STARD13: variants seen among roughly 807,000 people sequenced by gnomAD.
STARD13 encodes the protein stAR-related lipid transfer protein 13.
In STARD13, 62 loss-of-function variants were observed where a neutral mutation model predicts 106.4. The observed-to-expected ratio is 0.58, with a 90% CI of 0.48 to 0.72. The LOEUF is 0.72. STARD13 is among the 30% of genes least tolerant of loss of function. STARD13 has a pLI of 0.00. For missense variants in STARD13, 1,387 were observed against 1,424.0 expected (o/e 0.97, Z 0.42); for synonymous variants, 565 against 553.0 (o/e 1.02, Z -0.31).
chr13:33,350,233 C>T, intron 1 of STARD13: 1 of 1,483,632 alleles, frequency 6.7e-7, no homozygotes. Flanking sequence ...CCCGGGCGGG[C>T]TACGGGGCCG....
At chr13:33,356,240 G>C in the STARD13 span, among the ~76,000 whole-genome samples, 1 of 152,186 alleles carries the variant, frequency 6.6e-6, no homozygotes, top group African/African-American at 2.4e-5. Flanking sequence ...CAGACTGTCT[G>C]TTTTATAAAG....
chr13:33,310,098 C>A (rs1485689575), intron 1 of STARD13, among the ~76,000 whole-genome samples: 1 of 152,142 alleles, frequency 6.6e-6, no homozygotes, highest in East Asian at 1.9e-4. Context: ...GAATACAGGG[C>A]CACACTGAGT....
At chr13:33,357,915 G>A in the STARD13 span, among the ~76,000 whole-genome samples, 1 of 152,228 alleles carries the variant, frequency 6.6e-6, no homozygotes, top group Non-Finnish European at 1.5e-5. Context: ...ACTGCACTGT[G>A]GGAGCCCCTT....
chr13:33,586,327 G>T, the STARD13 span, among the ~76,000 whole-genome samples: 3 of 151,934 alleles, frequency 2.0e-5, no homozygotes. Flanking sequence ...CAGGGTTATC[G>T]CCCTTTCCTG....
rs530341405 is a variant in STARD13, at chr13:33,259,456, C to T, written c.169+26014G>A. ...CCTCCACTCTTAAACTTCACACTGG[C>T]TTTGGTGTCAGTTCCCATGATCTGA... On this transcript the variant is annotated intron_variant, in intron 1 of 13. Coordinates refer to ENST00000336934, the MANE Select transcript of STARD13 (RefSeq NM_178006.4). Among the ~76,000 whole-genome samples the T allele has an allele frequency of 1.9e-3, 293 of 152,296 alleles. 1 individual carries two copies. Among genetic ancestry groups the T allele is most frequent in the African/African-American group, 6.8e-3 (282 of 41,556 alleles).
the STARD13 span, among the ~76,000 whole-genome samples, chr13:33,624,413 A>C: frequency 2.0e-5 from 3 of 152,246 alleles, no homozygotes; most frequent in Non-Finnish European, 4.4e-5. Context: ...TGTGCTTTTC[A>C]GTGCTTGAAT....
At chr13:33,548,294 G>C in the STARD13 span, among the ~76,000 whole-genome samples, 2 of 152,224 alleles carry the variant, frequency 1.3e-5, no homozygotes, top group South Asian at 4.1e-4. Flanking sequence ...AACTGACCAA[G>C]TTCCTCTTCA....
At chr13:33,236,055 G>A (rs920323782) in intron 1 of STARD13, among the ~76,000 whole-genome samples, 5 of 152,130 alleles carry the variant, frequency 3.3e-5, no homozygotes, top group Admixed American at 3.3e-4. Flanking sequence ...GCTCATTCTA[G>A]CCTCTTAAAA....
chr13:33,440,140 A>AT, the STARD13 span, among the ~76,000 whole-genome samples: 1 of 152,022 alleles, frequency 6.6e-6, no homozygotes, highest in East Asian at 1.9e-4. Flanking sequence ...TTAGCCGAGC[A>AT]TGGTGGCATG....
At chr13:33,325,583 A>G (rs1189078810) in intron 1 of STARD13, among the ~76,000 whole-genome samples, 2 of 152,138 alleles carry the variant, frequency 1.3e-5, no homozygotes, top group Admixed American at 1.3e-4. Context: ...GTTACACTCC[A>G]AAGGCGAAGA....
the STARD13 span, among the ~76,000 whole-genome samples, chr13:33,614,719 C>A: frequency 6.6e-6 from 1 of 152,226 alleles, no homozygotes; most frequent in Non-Finnish European, 1.5e-5. Context: ...GAAGCAGAGG[C>A]TCCCAAGTAG....
chr13:33,640,847 A>G, the STARD13 span, among the ~76,000 whole-genome samples: 15 of 152,366 alleles, frequency 9.8e-5, no homozygotes, highest in East Asian at 2.1e-3. Flanking sequence ...TCCTTTTCTA[A>G]TATAAGGGAA....
At chr13:33,512,214 C>T in the STARD13 span, among the ~76,000 whole-genome samples, 1 of 152,160 alleles carries the variant, frequency 6.6e-6, no homozygotes, top group Non-Finnish European at 1.5e-5. Context: ...AAACTAAAGA[C>T]TAAGATCAAT....
chr13:33,576,397 T>G, the STARD13 span, among the ~76,000 whole-genome samples: 1 of 147,560 alleles, frequency 6.8e-6, no homozygotes, highest in Admixed American at 6.7e-5. Context: ...TAGTTGTAAT[T>G]TTTCTTTTTT....
chr13:33,154,096 A>G (rs952848573), intron 3 of STARD13, among the ~76,000 whole-genome samples: 5 of 152,220 alleles, frequency 3.3e-5, no homozygotes, highest in African/African-American at 1.2e-4. Context: ...CAAAGAGACA[A>G]TTCTGGTATG....
the STARD13 span, among the ~76,000 whole-genome samples, chr13:33,672,557 T>C: frequency 8.5e-3 from 1,301 of 152,292 alleles, 26 homozygotes; most frequent in African/African-American, 0.03. Context: ...ATTTAAAAAA[T>C]CCTTAGCTTA....
intron 1 of STARD13, among the ~76,000 whole-genome samples, chr13:33,295,707 G>A (rs188551796): frequency 2.6e-5 from 4 of 151,038 alleles, no homozygotes; most frequent in African/African-American, 7.4e-5. Flanking sequence ...GGGTGCCCGG[G>A]GGGGGCAGAG....
the STARD13 span, among the ~76,000 whole-genome samples, chr13:33,653,047 T>C: frequency 6.6e-6 from 1 of 152,170 alleles, no homozygotes; most frequent in Non-Finnish European, 1.5e-5. Context: ...AATGGAGAGA[T>C]ATCTCATGCC....
At chr13:33,282,503 T>C (rs565928545) in intron 1 of STARD13, among the ~76,000 whole-genome samples, 8 of 152,176 alleles carry the variant, frequency 5.3e-5, no homozygotes, top group South Asian at 4.1e-4. Context: ...CTCACTATAA[T>C]GAGGTCAGTG....
Sources: allele counts gnomAD v4.1 joint callset (sites outside exome capture counted in the v4.1 genomes callset), GRCh38; gene constraint gnomAD v4.1.1; transcripts MANE v1.5; gene names NCBI Gene and HGNC (gene_info 2026-07-23, HGNC 2026-07-21).